The following PDE4D variants were observed in gnomAD, a reference collection of about 807,000 sequenced individuals.
PDE4D encodes phosphodiesterase 4D.
PDE4D carries 24 observed loss-of-function variants against 87.4 expected under a neutral mutation model. The ratio of observed to expected loss-of-function variants is 0.27; its 90% CI spans 0.20 to 0.39. The LOEUF (loss-of-function observed/expected upper bound fraction) is 0.39, where lower values mean the gene tolerates loss of function less well. Ranked by LOEUF, PDE4D falls within the 10% of genes least tolerant of loss-of-function variation. The pLI, the probability that PDE4D is intolerant of heterozygous loss-of-function variation, is 1.00. For missense variants in PDE4D, 714 were observed against 1,041.0 expected, an observed-to-expected ratio of 0.69 and a Z score of 4.32; for synonymous variants, 384 against 383.2, an observed-to-expected ratio of 1.00 and a Z score of -0.02.
At chr5:59,193,634 A>C (rs1744803917) in intron 2 of PDE4D, 98 bp from the exon 3 acceptor site, 7 of 1,550,498 alleles carry the variant, frequency 4.5e-6, no homozygotes, top group Non-Finnish European at 4.3e-6. Context: ...ATGAGTTCCC[A>C]TAGAGAATTA....
intron 1 of PDE4D, among the ~76,000 whole-genome samples, chr5:59,681,320 CTAAA>C (rs1748965940): frequency 6.6e-6 from 1 of 152,002 alleles, no homozygotes; most frequent in Non-Finnish European, 1.5e-5. Flanking sequence ...TAACAACCTG[CTAAA>C]TAAAGAATTC....
intron 8 of PDE4D, 103 bp downstream of exon 8, chr5:58,991,723 AAAAAAC>A (rs1747963608): frequency 3.2e-6 from 2 of 627,912 alleles, no homozygotes; most frequent in Non-Finnish European, 2.2e-6. Context: ...AAAGAAAAAA[AAAAAAC>A]CCCAATTAAT....
intron 1 of PDE4D, among the ~76,000 whole-genome samples, chr5:59,584,763 T>TA (rs1824811350): frequency 6.6e-6 from 1 of 152,154 alleles, no homozygotes; most frequent in Non-Finnish European, 1.5e-5. Flanking sequence ...TGTTGCTTTG[T>TA]AGCAAGGTAC....
intron 1 of PDE4D, among the ~76,000 whole-genome samples, chr5:59,598,713 G>A (rs758104643): frequency 2.6e-5 from 4 of 152,100 alleles, no homozygotes; most frequent in Non-Finnish European, 5.9e-5. Flanking sequence ...CAGTCCAAGG[G>A]AGTCTAAAGG....
chr5:60,382,380 T>A (rs1212033769), intron 1 of PDE4D, among the ~76,000 whole-genome samples: 1 of 152,146 alleles, frequency 6.6e-6, no homozygotes, highest in Non-Finnish European at 1.5e-5. Flanking sequence ...CAAGGTCCTA[T>A]GGGGTTTCAT....
At chr5:60,253,203 A>G (rs1748668056) in intron 1 of PDE4D, among the ~76,000 whole-genome samples, 1 of 151,870 alleles carries the variant, frequency 6.6e-6, no homozygotes, top group African/African-American at 2.4e-5. Flanking sequence ...TTAATTTTTG[A>G]TCTGAGCTCC....
chr5:59,119,467 G>A (rs1200049211), intron 5 of PDE4D, among the ~76,000 whole-genome samples: 1 of 152,118 alleles, frequency 6.6e-6, no homozygotes, highest in African/African-American at 2.4e-5. Flanking sequence ...CCAGAGCAGA[G>A]GACATAGCCT....
At chr5:59,862,744 C>A (rs186221255) in intron 1 of PDE4D, among the ~76,000 whole-genome samples, 182 of 152,164 alleles carry the variant, frequency 1.2e-3, no homozygotes, top group African/African-American at 4.3e-3. Flanking sequence ...TTTTTTCCTG[C>A]GGAAAAGTTT....
intron 1 of PDE4D, among the ~76,000 whole-genome samples, chr5:59,813,830 A>G (rs1768659497): frequency 1.3e-5 from 2 of 152,300 alleles, no homozygotes; most frequent in African/African-American, 4.8e-5. Context: ...GAAATAACCT[A>G]TTTATGATTG....
intron 2 of PDE4D, among the ~76,000 whole-genome samples, chr5:59,207,519 T>C (rs1220897959): frequency 6.6e-6 from 1 of 152,128 alleles, no homozygotes; most frequent in East Asian, 1.9e-4. Context: ...ACTTTCCTTA[T>C]TTTAGTTTAT....
intron 3 of PDE4D, among the ~76,000 whole-genome samples, chr5:59,913,026 T>A (rs1463631961): frequency 6.6e-6 from 1 of 152,078 alleles, no homozygotes; most frequent in Non-Finnish European, 1.5e-5. Context: ...GGGGAAAACA[T>A]CATGGAAGGA....
chr5:59,080,850 T>G (rs1377783107), intron 5 of PDE4D, among the ~76,000 whole-genome samples: 2 of 152,238 alleles, frequency 1.3e-5, no homozygotes, highest in East Asian at 3.8e-4. Context: ...TCTGAACTAT[T>G]AATATGAAGG....
chr5:59,357,911 G>A (rs1006912794), intron 1 of PDE4D, among the ~76,000 whole-genome samples: 1 of 152,182 alleles, frequency 6.6e-6, no homozygotes, highest in Non-Finnish European at 1.5e-5. Context: ...CCAAGGGAGA[G>A]CGCCACTTCT....
rs531746186 is a variant in PDE4D, at chr5:59,390,208, AAT to A, written c.456-174242_456-174241del. ...AAGAAATTCTATTTTTGCAACTTAT[AAT>A]AGTTATTATTTGTGTGAGATACTCA... is the stretch of plus-strand genomic sequence containing the variant. On this transcript the variant is annotated intron_variant, in intron 1 of 14. Coordinates refer to ENST00000340635, the MANE Select transcript of PDE4D (RefSeq NM_001104631.2). Among the ~76,000 whole-genome samples the A allele has an allele frequency of 9.2e-5, 14 of 152,238 alleles. No individual in the cohort carries two copies. In the South Asian group the frequency reaches 1.2e-3, roughly 14 times the overall value.
intron 2 of PDE4D, among the ~76,000 whole-genome samples, chr5:60,119,352 G>A (rs1028862615): frequency 3.3e-5 from 5 of 152,214 alleles, no homozygotes; most frequent in African/African-American, 1.2e-4. Flanking sequence ...GCAAGTAACT[G>A]TAAACCAAAT....
intron 1 of PDE4D, among the ~76,000 whole-genome samples, chr5:59,424,226 T>C (rs1186596124): frequency 6.6e-6 from 1 of 152,178 alleles, no homozygotes; most frequent in African/African-American, 2.4e-5. Flanking sequence ...ACTGGAGATA[T>C]ACATTCAAGT....
intron 1 of PDE4D, among the ~76,000 whole-genome samples, chr5:60,448,144 A>G (rs1048389716): frequency 1.3e-5 from 2 of 152,288 alleles, no homozygotes; most frequent in Middle Eastern, 3.4e-3. Flanking sequence ...CAAATAGAAG[A>G]AAATAATGAA....
At chr5:60,067,135 T>C (rs1772193552) in intron 2 of PDE4D, among the ~76,000 whole-genome samples, 1 of 152,154 alleles carries the variant, frequency 6.6e-6, no homozygotes, top group Admixed American at 6.6e-5. Flanking sequence ...ATTTCACTTA[T>C]TCATTTTCCT....
intron 1 of PDE4D, among the ~76,000 whole-genome samples, chr5:59,660,409 TTTTA>T (rs1307734953): frequency 2.0e-5 from 3 of 152,134 alleles, no homozygotes; most frequent in African/African-American, 4.8e-5. Context: ...AACCACTTCC[TTTTA>T]TTTATTTTTT....
Sources: allele counts gnomAD v4.1 joint callset (sites outside exome capture counted in the v4.1 genomes callset), GRCh38; gene constraint gnomAD v4.1.1; transcripts MANE v1.5; gene names NCBI Gene and HGNC (gene_info 2026-07-23, HGNC 2026-07-21).